DLG2: variants seen among roughly 807,000 people sequenced by gnomAD.
The protein encoded by DLG2 is discs large MAGUK scaffold protein 2.
DLG2 carries 45 observed loss-of-function variants against 132.5 expected under a neutral mutation model. The observed-to-expected ratio is 0.34, with a 90% confidence interval of 0.27 to 0.44. The LOEUF is 0.44. DLG2 is among the 20% of genes least tolerant of loss of function. DLG2 has a pLI of 1.00. For missense variants in DLG2, 1,045 were observed against 1,196.9 expected, an observed-to-expected ratio of 0.87 and a Z score of 1.87; for synonymous variants, 424 against 419.6, an observed-to-expected ratio of 1.01 and a Z score of -0.13.
intron 3 of DLG2, among the ~76,000 whole-genome samples, chr11:85,530,998 C>A (rs1252329266): frequency 6.6e-5 from 10 of 152,084 alleles, no homozygotes; most frequent in African/African-American, 2.4e-4. Context: ...CCCCCTATTT[C>A]CCTCGTAAAT....
intron 8 of DLG2, among the ~76,000 whole-genome samples, chr11:84,242,031 A>G (rs2097235413): frequency 6.6e-6 from 1 of 152,158 alleles, no homozygotes; most frequent in African/African-American, 2.4e-5. Flanking sequence ...CCTTGTTCTT[A>G]AAAGTGCTCT....
chr11:83,856,230 A>G (rs1297092731), intron 16 of DLG2, among the ~76,000 whole-genome samples: 1 of 152,118 alleles, frequency 6.6e-6, no homozygotes, highest in Non-Finnish European at 1.5e-5. Context: ...TATCCAGTCT[A>G]TCATTGATGG....
intron 6 of DLG2, among the ~76,000 whole-genome samples, chr11:84,918,757 A>G (rs541545489): frequency 4.3e-4 from 65 of 152,204 alleles, no homozygotes; most frequent in Non-Finnish European, 5.7e-4. Flanking sequence ...TGAAGCCTAT[A>G]TGACTTCAAA....
At chr11:85,138,848 A>G (rs2076283634) in intron 5 of DLG2, among the ~76,000 whole-genome samples, 1 of 150,738 alleles carries the variant, frequency 6.6e-6, no homozygotes, top group African/African-American at 2.5e-5. Context: ...TGTTCTTTCC[A>G]GTCTCGGGTA....
chr11:85,595,112 A>G (rs2079648824), intron 3 of DLG2, among the ~76,000 whole-genome samples: 1 of 151,774 alleles, frequency 6.6e-6, no homozygotes, highest in African/African-American at 2.4e-5. Flanking sequence ...TTTATCACCT[A>G]ACTGAAGAAC....
intron 7 of DLG2, chr11:84,317,292 G>A (rs930609315): frequency 2.8e-6 from 4 of 1,442,994 alleles, no homozygotes; most frequent in Non-Finnish European, 3.6e-6. Flanking sequence ...GCAGTGCATC[G>A]TGGGAGCAGT....
chr11:85,371,817 T>C (rs971338563), intron 3 of DLG2, among the ~76,000 whole-genome samples: 1 of 152,208 alleles, frequency 6.6e-6, no homozygotes, highest in Non-Finnish European at 1.5e-5. Context: ...TATCCGTGAT[T>C]CCTTGTGGTA....
chr11:84,148,213 A>G (rs1302063513), intron 9 of DLG2, among the ~76,000 whole-genome samples: 1 of 152,204 alleles, frequency 6.6e-6, no homozygotes, highest in African/African-American at 2.4e-5. Flanking sequence ...TTTACAAATT[A>G]TAATTTTTTC....
intron 6 of DLG2, among the ~76,000 whole-genome samples, chr11:84,991,963 T>C (rs1361521471): frequency 2.6e-5 from 4 of 152,218 alleles, no homozygotes; most frequent in African/African-American, 9.6e-5. Flanking sequence ...CAGCCTAATA[T>C]CATACCTTTC....
At chr11:84,908,189 C>T (rs1452778766) in intron 6 of DLG2, among the ~76,000 whole-genome samples, 3 of 151,716 alleles carry the variant, frequency 2.0e-5, no homozygotes, top group African/African-American at 7.3e-5. Context: ...TTTCTAGTAG[C>T]CACATTGAAA....
chr11:85,431,226 A>G (rs114473640), intron 3 of DLG2, among the ~76,000 whole-genome samples: 119 of 152,234 alleles, frequency 7.8e-4, no homozygotes, highest in African/African-American at 2.7e-3. Flanking sequence ...ATGTTCTGTC[A>G]TTAGGACTGA....
chr11:83,915,494 C>T (rs1424829471), intron 15 of DLG2, among the ~76,000 whole-genome samples: 1 of 151,892 alleles, frequency 6.6e-6, no homozygotes, highest in Non-Finnish European at 1.5e-5. Context: ...TGCAAAACAC[C>T]AAACAAAAAG....
intron 7 of DLG2, among the ~76,000 whole-genome samples, chr11:84,280,579 C>T (rs928896070): frequency 3.9e-5 from 6 of 151,932 alleles, no homozygotes; most frequent in Non-Finnish European, 8.8e-5. Context: ...AAGGCATGTA[C>T]ACTGAAAACT....
chr11:85,331,464 C>T (rs1206879161), intron 3 of DLG2, among the ~76,000 whole-genome samples: 2 of 151,556 alleles, frequency 1.3e-5, no homozygotes, highest in African/African-American at 2.4e-5. Flanking sequence ...TTTTTTATTT[C>T]TTTTTCAACT....
chr11:84,540,120 C>T (rs1475934000), intron 6 of DLG2, among the ~76,000 whole-genome samples: 1 of 152,140 alleles, frequency 6.6e-6, no homozygotes, highest in Non-Finnish European at 1.5e-5. Flanking sequence ...CCACTCAGGA[C>T]ATAGGCATGG....
intron 18 of DLG2, among the ~76,000 whole-genome samples, chr11:83,776,311 C>T (rs976800708): frequency 6.6e-6 from 1 of 152,202 alleles, no homozygotes; most frequent in Admixed American, 6.5e-5. Flanking sequence ...TCTGCCACCC[C>T]TCTTTATTTT....
chr11:84,126,784 T>C (rs2094194648), intron 9 of DLG2, among the ~76,000 whole-genome samples: 1 of 152,352 alleles, frequency 6.6e-6, no homozygotes, highest in Middle Eastern at 3.4e-3. Context: ...TTTTATAAAC[T>C]GATCTGCTCA....
At chr11:83,762,215 T>C (rs2153762687) in intron 18 of DLG2, among the ~76,000 whole-genome samples, 1 of 152,368 alleles carries the variant, frequency 6.6e-6, no homozygotes, top group East Asian at 1.9e-4. Context: ...AATGTCTGAT[T>C]CTTTATTCCC....
At chr11:85,284,365 A>C (rs1323551007) in intron 4 of DLG2, among the ~76,000 whole-genome samples, 3 of 151,830 alleles carry the variant, frequency 2.0e-5, no homozygotes, top group African/African-American at 7.2e-5. Flanking sequence ...AAAATATATG[A>C]GAGGCCTCAA....
Sources: gnomAD v4.1 joint callset for allele counts (sites outside exome capture counted in the v4.1 genomes callset) on GRCh38, gnomAD v4.1.1 for gene constraint, MANE v1.5 for transcripts, NCBI Gene and HGNC (gene_info 2026-07-23, HGNC 2026-07-21) for gene names.